ERBIN: variants seen among roughly 807,000 people sequenced by gnomAD.
ERBIN encodes densin-180-like protein.
Under a neutral mutation model 158.4 loss-of-function variants are expected in ERBIN, and 60 were observed. That is an observed-to-expected ratio of 0.38 (90% confidence interval 0.31 to 0.47). The LOEUF is 0.47. Among genes scored for constraint, ERBIN ranks in the 20% least tolerant of loss-of-function variants. The pLI, the probability that ERBIN is intolerant of heterozygous loss-of-function variation, is 0.99. For synonymous variants in ERBIN, 594 were observed against 557.2 expected, an observed-to-expected ratio of 1.07 and a Z score of -0.93; for missense variants, 1,610 against 1,648.0, an observed-to-expected ratio of 0.98 and a Z score of 0.40.
intron 1 of ERBIN, among the ~76,000 whole-genome samples, chr5:65,951,262 C>T (rs1746472240): frequency 6.6e-6 from 1 of 152,132 alleles, no homozygotes. Context: ...AGTATTTAGA[C>T]TACTTAGACT....
At chr5:66,051,409 A>C (rs1385461798) in intron 20 of ERBIN, among the ~76,000 whole-genome samples, 1 of 152,162 alleles carries the variant, frequency 6.6e-6, no homozygotes, top group Non-Finnish European at 1.5e-5. Context: ...GATAAATGTT[A>C]ATTTGTATAG....
rs1332420315 is a variant in ERBIN at position 66,081,643 on chromosome 5, G to A, written c.*3113G>A. 1 of 151,816 alleles carries A rather than the reference G, an allele frequency of 6.6e-6. No individual in the cohort carries two copies. The highest frequency in any genetic ancestry group is 1.9e-4 in the East Asian group (1 of 5,180). The allele number at this position is 151,816 out of a possible 1,614,324, so 9.4% of individuals were successfully genotyped here. A position where few individuals can be genotyped will look rare whatever the true frequency, so the allele number is the denominator to read the frequency against. ...TTAGCATTAAAACCCTGTATATCTA[G>A]GTGTGGAAGAAGTGTAGTTTATCTC... is the stretch of plus-strand genomic sequence containing the variant. On this transcript the variant is annotated 3_prime_UTR_variant, in exon 26 of 26. Transcript: ENST00000284037.
At chr5:65,977,514 G>A (rs1418159371) in intron 1 of ERBIN, among the ~76,000 whole-genome samples, 4 of 144,310 alleles carry the variant, frequency 2.8e-5, no homozygotes, top group African/African-American at 1.0e-4. Context: ...CTCACATCCC[G>A]GACGGGGCGG....
At chr5:65,987,031 A>G (rs1751307487) in intron 1 of ERBIN, among the ~76,000 whole-genome samples, 1 of 152,222 alleles carries the variant, frequency 6.6e-6, no homozygotes, top group South Asian at 2.1e-4. Context: ...CGAGGCTAGA[A>G]AAATGGGAGA....
chr5:65,951,699 C>G (rs1746519016), intron 1 of ERBIN, among the ~76,000 whole-genome samples: 1 of 152,146 alleles, frequency 6.6e-6, no homozygotes, highest in African/African-American at 2.4e-5. Flanking sequence ...TTAAATATCT[C>G]CATTCGTAAA....
At chr5:66,042,752 A>G (rs539084946) in intron 15 of ERBIN, among the ~76,000 whole-genome samples, 28 of 152,236 alleles carry the variant, frequency 1.8e-4, no homozygotes, top group African/African-American at 5.1e-4. Context: ...CATTTCTACC[A>G]TAGCACCTTT....
chr5:65,940,653 A>T (rs1433786671), intron 1 of ERBIN, among the ~76,000 whole-genome samples: 1 of 121,526 alleles, frequency 8.2e-6, no homozygotes, highest in Admixed American at 8.1e-5. Flanking sequence ...GTGGGGGGTC[A>T]GCCCCCCGCC....
intron 1 of ERBIN, among the ~76,000 whole-genome samples, chr5:65,936,626 CA>C (rs1176952980): frequency 2.0e-5 from 3 of 152,222 alleles, no homozygotes; most frequent in Admixed American, 6.5e-5. Flanking sequence ...TTCTGTCTTA[CA>C]AATGTCTACA....
chr5:65,950,289 G>A (rs979228342), intron 1 of ERBIN, among the ~76,000 whole-genome samples: 1 of 152,140 alleles, frequency 6.6e-6, no homozygotes, highest in Non-Finnish European at 1.5e-5. Flanking sequence ...ACAGGCGCCC[G>A]GCCTCAGGTC....
At chr5:65,996,428 C>A (rs1752450675) in intron 4 of ERBIN, among the ~76,000 whole-genome samples, 2 of 151,926 alleles carry the variant, frequency 1.3e-5, no homozygotes, top group Admixed American at 1.3e-4. Context: ...GTTCTTGGCA[C>A]CTTTGTCAAA....
intron 21 of ERBIN, among the ~76,000 whole-genome samples, chr5:66,058,437 C>T (rs1759871335): frequency 6.6e-6 from 1 of 151,608 alleles, no homozygotes; most frequent in Non-Finnish European, 1.5e-5. Flanking sequence ...GGATATTAGC[C>T]CTTTGTCAGA....
At chr5:66,026,023 T>C in intron 12 of ERBIN, 46 bp downstream of exon 12, 1 of 1,484,656 alleles carries the variant, frequency 6.7e-7, no homozygotes, top group Non-Finnish European at 9.1e-7. Flanking sequence ...TTCATTTTTT[T>C]CTGATTATCT....
chr5:65,990,605 C>T (rs979224963), intron 2 of ERBIN, among the ~76,000 whole-genome samples: 4 of 150,742 alleles, frequency 2.7e-5, no homozygotes, highest in African/African-American at 9.8e-5. Flanking sequence ...TTGCAGTGAG[C>T]TGAGATCGTG....
At chr5:66,013,208 G>A (rs1300041204) in intron 5 of ERBIN, among the ~76,000 whole-genome samples, 1 of 152,192 alleles carries the variant, frequency 6.6e-6, no homozygotes, top group Non-Finnish European at 1.5e-5. Context: ...TGAATTGAGA[G>A]TAGATAAGAC....
Position 65,993,897 on chromosome 5 carries a change from A to G in ERBIN, c.190-850A>G, listed in dbSNP as rs573795946. Among the ~76,000 whole-genome samples, 7 of 152,326 alleles carry G rather than the reference A, an allele frequency of 4.6e-5. No individual in the cohort carries two copies. The East Asian group carries it at 9.6e-4, about 21-fold the overall frequency. ...GAAATTCAAATTTAATGGACATCTT[A>G]TACCTACTCCTGCAACCTTAATTAT... On this transcript the variant is annotated intron_variant, in intron 3 of 25. Coordinates refer to ENST00000284037, the MANE Select transcript of ERBIN (RefSeq NM_001253697.2).
chr5:66,015,692 C>G lies in ERBIN; in HGVS notation c.533+967C>G, dbSNP rs531540764. Among the ~76,000 whole-genome samples, 21 of 152,218 alleles carry G rather than the reference C, an allele frequency of 1.4e-4. 1 individual carries two copies. Among genetic ancestry groups the G allele is most frequent in the Middle Eastern group, 3.4e-3 (1 of 294 alleles). ...TCTCTATAGAAAATTAAAAAATTAGCCGGGCACAGCAGCATGTAACTATAG... is the reference window on the plus strand; with the variant it reads ...TCTCTATAGAAAATTAAAAAATTAGGCGGGCACAGCAGCATGTAACTATAG... On this transcript the variant is annotated intron_variant, in intron 7 of 25. Coordinates refer to ENST00000284037, the MANE Select transcript of ERBIN (RefSeq NM_001253697.2).
At chr5:66,023,624 C>T (rs957470200) in intron 9 of ERBIN, among the ~76,000 whole-genome samples, 1 of 150,722 alleles carries the variant, frequency 6.6e-6, no homozygotes, top group Non-Finnish European at 1.5e-5. Context: ...TCCCAATTTG[C>T]TTTGCCCAAG....
At position 66,054,476 on chromosome 5, in the gene ERBIN, A is replaced by T. The variant is rs1324417147; in HGVS notation, c.3158A>T (p.His1053Leu). The T allele has an allele frequency of 6.2e-7, 1 of 1,614,184 alleles. No individual in the cohort carries two copies. Residue 1053 changes from histidine to leucine, a missense_variant, in exon 21 of 26, where the codon CAT (histidine) becomes CTT (leucine). This residue lies in a region of ERBIN where 1,014 missense variants were observed against 936.1 expected (regional missense o/e 1.08). Coordinates refer to ENST00000284037, the MANE Select transcript of ERBIN (RefSeq NM_001253697.2). ...CATCAGAGACTTGGCCCAGCAAGAC[A>T]TGGGGAAATGTGGGCCATCTCACCA... The part of the protein sequence containing the change: ...HLHQRLGPAR[H>L]GEMWAISPND...
intron 21 of ERBIN, 178 bp downstream of exon 21, chr5:66,055,129 G>GT: frequency 7.3e-7 from 1 of 1,376,574 alleles, no homozygotes; most frequent in Non-Finnish European, 9.4e-7. Flanking sequence ...ATGATAATGT[G>GT]TGTTTCTATC....
Sources: allele counts gnomAD v4.1 joint callset (sites outside exome capture counted in the v4.1 genomes callset), GRCh38; gene constraint gnomAD v4.1.1; regional missense constraint gnomAD v4.1.1; transcripts MANE v1.5; gene names NCBI Gene and HGNC (gene_info 2026-07-23, HGNC 2026-07-21).